The following TXLNB variants were observed in gnomAD, a reference collection of about 807,000 sequenced individuals.
TXLNB encodes taxilin beta, also known as beta-taxilin.
In TXLNB, 37 loss-of-function variants were observed where a neutral mutation model predicts 57.4. That is an observed-to-expected ratio of 0.64 (90% CI 0.50 to 0.85). TXLNB has a LOEUF of 0.85. TXLNB is among the 40% of genes least tolerant of loss of function. The pLI is 0.00. For synonymous variants in TXLNB, 302 were observed against 309.6 expected, an observed-to-expected ratio of 0.98 and a Z score of 0.26; for missense variants, 848 against 825.6, an observed-to-expected ratio of 1.03 and a Z score of -0.33.
chr6:139,300,725 G>A, the TXLNB span, among the ~76,000 whole-genome samples: 10 of 152,174 alleles, frequency 6.6e-5, no homozygotes, highest in East Asian at 7.7e-4. Flanking sequence ...GTGAAACTGC[G>A]TCTCTACTAA....
At chr6:139,167,143 G>A in the TXLNB span, 1 of 1,614,062 alleles carries the variant, frequency 6.2e-7, no homozygotes, top group Admixed American at 1.7e-5. Flanking sequence ...TGGGCCAGGG[G>A]GAAGACTTGC....
At chr6:139,300,732 C>T in the TXLNB span, among the ~76,000 whole-genome samples, 1 of 152,238 alleles carries the variant, frequency 6.6e-6, no homozygotes, top group South Asian at 2.1e-4. Context: ...TGCGTCTCTA[C>T]TAAAAATACA....
chr6:139,307,578 A>G, the TXLNB span, among the ~76,000 whole-genome samples: 6 of 152,352 alleles, frequency 3.9e-5, no homozygotes, highest in East Asian at 1.2e-3. Flanking sequence ...AGGTGAGCTT[A>G]TGCCCTTTCA....
chr6:139,314,088 C>T, the TXLNB span, among the ~76,000 whole-genome samples: 1 of 152,192 alleles, frequency 6.6e-6, no homozygotes, highest in Non-Finnish European at 1.5e-5. Flanking sequence ...GAAATCAAAG[C>T]ATTTTACCCC....
the TXLNB span, among the ~76,000 whole-genome samples, chr6:139,189,536 AATTT>A: frequency 6.6e-6 from 1 of 152,334 alleles, no homozygotes; most frequent in Admixed American, 6.5e-5. Context: ...AGGATTTCAG[AATTT>A]ATTATTAAAC....
At chr6:139,220,831 C>A in the TXLNB span, among the ~76,000 whole-genome samples, 16 of 152,212 alleles carry the variant, frequency 1.1e-4, no homozygotes, top group Non-Finnish European at 1.9e-4. Context: ...TTAAATAAAA[C>A]AGAAACTCAG....
At chr6:139,311,641 A>G in the TXLNB span, among the ~76,000 whole-genome samples, 1 of 152,126 alleles carries the variant, frequency 6.6e-6, no homozygotes, top group Admixed American at 6.6e-5. Flanking sequence ...GAGATGTACT[A>G]AACTGGAGAA....
the TXLNB span, among the ~76,000 whole-genome samples, chr6:139,191,488 A>C: frequency 6.6e-6 from 1 of 152,248 alleles, no homozygotes; most frequent in Admixed American, 6.5e-5. Context: ...CTCCGTAGTC[A>C]CATGTGGCTA....
At chr6:139,296,478 T>C (rs1027211647), upstream of TXLNB, among the ~76,000 whole-genome samples, 12 of 152,234 alleles carry the variant, frequency 7.9e-5, no homozygotes, top group Non-Finnish European at 1.6e-4. Context: ...CATGATGTTC[T>C]GAAGTTTCAC....
intron 2 of TXLNB, among the ~76,000 whole-genome samples, chr6:139,281,927 G>A (rs573406606): frequency 8.7e-5 from 13 of 150,134 alleles, no homozygotes; most frequent in Non-Finnish European, 1.9e-4. Context: ...AGAAAAAACA[G>A]TAAAATATTC....
chr6:139,256,163 TA>T (rs989084757), intron 6 of TXLNB, among the ~76,000 whole-genome samples: 3 of 151,856 alleles, frequency 2.0e-5, no homozygotes, highest in South Asian at 2.1e-4. Context: ...GTGGTTTTAA[TA>T]AAAAAAATAG....
intron 6 of TXLNB, among the ~76,000 whole-genome samples, chr6:139,259,143 T>C (rs778018708): frequency 2.6e-5 from 4 of 152,196 alleles, no homozygotes; most frequent in African/African-American, 4.8e-5. Flanking sequence ...CAAGTCATCA[T>C]CATATTTCAT....
the TXLNB span, among the ~76,000 whole-genome samples, chr6:139,162,792 G>T: frequency 5.9e-5 from 9 of 152,200 alleles, no homozygotes; most frequent in Admixed American, 5.9e-4. Context: ...CAGGGATAAG[G>T]TTGGGAAGGT....
At chr6:139,270,318 C>A in intron 4 of TXLNB, 138 bp downstream of exon 4, 3 of 782,064 alleles carry the variant, frequency 3.8e-6, no homozygotes, top group South Asian at 2.0e-5. Flanking sequence ...TTTAAGGTTA[C>A]AAGCAAGCAA....
Position 139,262,633 on chromosome 6 carries a change from T to A in TXLNB, c.828A>T (p.Thr276=). The A allele has an allele frequency of 6.2e-7, 1 of 1,614,210 alleles. No individual in the cohort carries two copies. Among genetic ancestry groups the A allele is most frequent in the East Asian group, 2.2e-5 (1 of 44,884 alleles). ...TGCTTTTCAGCTTTTCTGCAAGCTC[T>A]GTGTTCTCCTGACAGAGCTTCATAT... is the stretch of plus-strand genomic sequence containing the variant. ...ERNMKLCQEN[T]ELAEKLKSII... Residue 276 remains threonine, a synonymous_variant, in exon 5 of 10, where the codon ACA becomes ACT. Coordinates refer to ENST00000358430, the MANE Select transcript of TXLNB (RefSeq NM_153235.4).
the TXLNB span, among the ~76,000 whole-genome samples, chr6:139,310,857 G>C: frequency 6.6e-6 from 1 of 152,152 alleles, no homozygotes; most frequent in African/African-American, 2.4e-5. Flanking sequence ...ACCATGCCCA[G>C]CTAATTTTTG....
the TXLNB span, among the ~76,000 whole-genome samples, chr6:139,175,184 T>A: frequency 6.6e-6 from 1 of 152,184 alleles, no homozygotes; most frequent in Non-Finnish European, 1.5e-5. Context: ...ACAAATAACC[T>A]ATAGAATCAC....
chr6:139,192,780 T>A, the TXLNB span, among the ~76,000 whole-genome samples: 9 of 143,836 alleles, frequency 6.3e-5, no homozygotes, highest in Non-Finnish European at 6.1e-5. Context: ...CCGTCTCTAC[T>A]AAAAAAAAAA....
chr6:139,187,376 TATAA>T, the TXLNB span, among the ~76,000 whole-genome samples: 66 of 152,290 alleles, frequency 4.3e-4, 1 homozygote, highest in South Asian at 0.014. Context: ...TGAGAAATAC[TATAA>T]ATATAGAACC....
Sources: gnomAD v4.1 joint callset for allele counts (sites outside exome capture counted in the v4.1 genomes callset) on GRCh38, gnomAD v4.1.1 for gene constraint, MANE v1.5 for transcripts, NCBI Gene and HGNC (gene_info 2026-07-23, HGNC 2026-07-21) for gene names.